FAT3: variants seen among roughly 807,000 people sequenced by gnomAD.
FAT3 encodes the protein protocadherin Fat 3.
In FAT3, 95 loss-of-function variants were observed where a neutral mutation model predicts 310.2. The ratio of observed to expected loss-of-function variants is 0.31; its 90% CI spans 0.26 to 0.36. The LOEUF is 0.36. FAT3 is among the 10% of genes least tolerant of loss of function. FAT3 has a pLI of 1.00. For missense variants in FAT3, 5,408 were observed against 5,715.6 expected (o/e 0.95, Z 1.74); for synonymous variants, 2,314 against 2,192.9 (o/e 1.06, Z -1.54).
intron 2 of FAT3, among the ~76,000 whole-genome samples, chr11:92,430,149 T>C (rs905496759): frequency 5.3e-5 from 8 of 152,224 alleles, no homozygotes; most frequent in Non-Finnish European, 8.8e-5. Flanking sequence ...CTGATATTCT[T>C]TCTTCACTTG....
chr11:92,890,990 G>A lies in FAT3; in HGVS notation c.13647G>A (p.Val4549=), dbSNP rs771971577. 1 of 1,613,912 alleles carries A rather than the reference G, an allele frequency of 6.2e-7. No individual in the cohort carries two copies. The highest frequency in any genetic ancestry group is 8.5e-7 in the Non-Finnish European group (1 of 1,179,856). ...HNSRGTSSSD[V]SANCGFDDSE... ...CCAGAGGCACCTCATCCTCGGATGT[G>A]TCTGCCAACTGCGGCTTTGACGATT... The change falls in exon 28 of 28, where the codon GTG becomes GTA. Residue 4549 remains valine, a synonymous_variant. Coordinates refer to ENST00000525166, the MANE Select transcript of FAT3 (RefSeq NM_001367949.2).
At chr11:92,649,930 C>T (rs775159692) in intron 3 of FAT3, among the ~76,000 whole-genome samples, 76 of 129,576 alleles carry the variant, frequency 5.9e-4, no homozygotes, top group Non-Finnish European at 1.0e-3. Flanking sequence ...CCTTCTTTCT[C>T]TTTCTCTCCA....
intron 4 of FAT3, among the ~76,000 whole-genome samples, chr11:92,710,436 A>T (rs139703260): frequency 6.6e-6 from 1 of 152,178 alleles, no homozygotes; most frequent in Non-Finnish European, 1.5e-5. Flanking sequence ...AGGCCTAAGA[A>T]CCTCTTCTCA....
chr11:92,857,083 A>T, intron 19 of FAT3, 131 bp from the exon 20 acceptor site: 1 of 1,327,586 alleles, frequency 7.5e-7, no homozygotes, highest in Non-Finnish European at 1.1e-6. Context: ...CATCTTTGTG[A>T]CTCAGCTCAG....
intron 3 of FAT3, among the ~76,000 whole-genome samples, chr11:92,573,316 T>C (rs527003): frequency 0.74 from 112,696 of 151,942 alleles, 44,062 homozygotes; most frequent in Non-Finnish European, 0.88. Flanking sequence ...TTGCGAATTA[T>C]GGAGGCCTCT....
chr11:92,558,636 A>C (rs1591447613), intron 3 of FAT3, among the ~76,000 whole-genome samples: 2 of 152,200 alleles, frequency 1.3e-5, no homozygotes, highest in Non-Finnish European at 2.9e-5. Context: ...TTCTGTCCCG[A>C]AAGGTAATTA....
At chr11:92,736,736 C>A (rs1489030007) in intron 4 of FAT3, among the ~76,000 whole-genome samples, 1 of 152,124 alleles carries the variant, frequency 6.6e-6, no homozygotes, top group Non-Finnish European at 1.5e-5. Flanking sequence ...CACCTATACT[C>A]TTTTGAAAAG....
intron 13 of FAT3, among the ~76,000 whole-genome samples, chr11:92,817,975 C>T (rs1046453894): frequency 6.6e-6 from 1 of 152,174 alleles, no homozygotes; most frequent in African/African-American, 2.4e-5. Context: ...AGTGGAAAAG[C>T]ATCTCACATG....
chr11:92,432,901 G>T (rs963766077), intron 2 of FAT3, among the ~76,000 whole-genome samples: 1 of 152,188 alleles, frequency 6.6e-6, no homozygotes, highest in Non-Finnish European at 1.5e-5. Context: ...CCCTAACTGG[G>T]GCTGCTGCCT....
At position 92,805,299 on chromosome 11, in the gene FAT3, G is replaced by C. The variant is rs753611816; in HGVS notation, c.9043G>C (p.Val3015Leu). 1.9e-6 allele frequency: 3 copies of C among 1,613,696 alleles called. No homozygotes were observed. The highest frequency in any genetic ancestry group is 2.7e-5 in the African/African-American group (2 of 74,900). The change falls in exon 11 of 28, where the codon GTG becomes CTG. Residue 3015 changes from valine (V) to leucine (L), a missense_variant. By Grantham distance (32) the Val-to-Leu change is conservative. Around this residue, in one of 5 missense-constraint regions of FAT3, gnomAD observed 4,588 missense variants for 4,809.8 expected, o/e 0.95. Transcript: ENST00000525166. ...TGGGCTTTTTGTCACACAGGCCATG[G>C]TGGAAGTGAGCGTCAGTGATGTGAA... The part of the protein sequence containing the change: ...TDGLFVTQAM[V>L]EVSVSDVNDN...
At chr11:92,275,912 C>G (rs1488326177) in intron 1 of FAT3, among the ~76,000 whole-genome samples, 1 of 152,018 alleles carries the variant, frequency 6.6e-6, no homozygotes, top group Non-Finnish European at 1.5e-5. Flanking sequence ...ATGTTTTCAC[C>G]ATTAAGATTT....
rs79737443 is a variant in FAT3 at position 92,344,347 on chromosome 11, C to G, written c.-17-7749C>G. 8.1e-3 allele frequency among the ~76,000 whole-genome samples: 1,231 copies of G among 152,254 alleles called. 16 individuals are homozygous for G. Among genetic ancestry groups the G allele is most frequent in the African/African-American group, 0.029 (1,186 of 41,542 alleles). On this transcript the variant is annotated intron_variant, in intron 1 of 27. Transcript: ENST00000525166. ...CCAACGTCCTGCTGGGATGAGAATC[C>G]TCCCTTTGTCCAGCGTGTCCATGCT... is the stretch of plus-strand genomic sequence containing the variant.
intron 3 of FAT3, among the ~76,000 whole-genome samples, chr11:92,594,714 A>G (rs911473642): frequency 4.6e-5 from 7 of 152,092 alleles, no homozygotes; most frequent in South Asian, 2.1e-4. Flanking sequence ...AATTATTCGT[A>G]ACTCGGAGGC....
intron 1 of FAT3, among the ~76,000 whole-genome samples, chr11:92,227,462 G>A (rs760744995): frequency 2.6e-5 from 4 of 152,186 alleles, no homozygotes; most frequent in African/African-American, 4.8e-5. Context: ...AACTCAGGTG[G>A]TGGAAAGGGG....
intron 1 of FAT3, among the ~76,000 whole-genome samples, chr11:92,315,510 TATAGAGAGAGAG>T (rs1465263239): frequency 7.9e-4 from 62 of 78,130 alleles, no homozygotes; most frequent in African/African-American, 2.6e-3. Context: ...TATATATATA[TATAGAGAGAGAG>T]AGAGAGAGAG....
At chr11:92,282,860 A>G (rs1303476429) in intron 1 of FAT3, among the ~76,000 whole-genome samples, 1 of 151,856 alleles carries the variant, frequency 6.6e-6, no homozygotes, top group African/African-American at 2.4e-5. Flanking sequence ...TGATTTATGC[A>G]TTTTTTTCAC....
rs372383832 is a variant in FAT3 at position 92,354,424 on chromosome 11, A to T, written c.2312A>T (p.Asp771Val). ...TTTACAATATCAGATGGAAATACGG[A>T]TAGTTGCTTTAATATTGATATGGAG... Reference protein sequence around the residue: ...VLFTISDGNTDSCFNIDMETG... With the variant: ...VLFTISDGNTVSCFNIDMETG... The change falls in exon 2 of 28, where the codon GAT (aspartate) becomes GTT (valine). Residue 771 changes from aspartate (D) to valine (V), a missense_variant. This residue lies in a region of FAT3 where 4,588 missense variants were observed against 4,809.8 expected (regional missense o/e 0.95). Coordinates refer to ENST00000525166, the MANE Select transcript of FAT3 (RefSeq NM_001367949.2). 1.2e-6 allele frequency: 2 copies of T among 1,613,884 alleles called. No individual in the cohort carries two copies. The highest frequency in any genetic ancestry group is 2.2e-5 in the South Asian group (2 of 91,086).
At position 92,882,685 on chromosome 11, in the gene FAT3, C is replaced by A. The variant is rs1949699678; in HGVS notation, c.12282-53C>A. The A allele has an allele frequency of 2.0e-6, 3 of 1,476,470 alleles. No homozygotes were observed. In the African/African-American group the frequency reaches 4.4e-5, roughly 21 times the overall value. 91.5% of individuals were successfully genotyped at this position (1,476,470 alleles called of 1,614,324 possible). ...TGTGTTTTCTCGAGTTCCCGTATAC[C>A]AACGTGTGTGCACTGGTCCTGACGG... On this transcript the variant is annotated intron_variant, in intron 23 of 27. Transcript: ENST00000525166.
At chr11:92,291,349 T>G (rs1002028482) in intron 1 of FAT3, among the ~76,000 whole-genome samples, 19 of 151,952 alleles carry the variant, frequency 1.3e-4, no homozygotes, top group Non-Finnish European at 2.4e-4. Context: ...ACACTTGTAC[T>G]CATGAAATCA....
Sources: gnomAD v4.1 joint callset for allele counts (sites outside exome capture counted in the v4.1 genomes callset) on GRCh38, gnomAD v4.1.1 for gene constraint, gnomAD v4.1.1 regional missense constraint, MANE v1.5 for transcripts, NCBI Gene and HGNC (gene_info 2026-07-23, HGNC 2026-07-21) for gene names.